TMEM272: variants seen among roughly 807,000 people sequenced by gnomAD.
TMEM272 encodes long intergenic non-protein coding RNA 282.
TMEM272 carries 8 observed loss-of-function variants against 3.7 expected under a neutral mutation model. The observed-to-expected ratio is 2.17, with a 90% confidence interval of 1.27 to 3.91. TMEM272 has a LOEUF of 3.91. TMEM272 is among the 30% of genes most tolerant of loss of function. The pLI is 0.00. For missense variants in TMEM272, 166 were observed against 91.5 expected (o/e 1.81, Z -3.32); for synonymous variants, 63 against 39.8 (o/e 1.58, Z -2.20).
chr13:51,871,785 TACACACACACACAC>T, the TMEM272 span, among the ~76,000 whole-genome samples: 40,891 of 129,618 alleles, frequency 0.32, 6,772 homozygotes, highest in Non-Finnish European at 0.38. Context: ...AATCTCCCCC[TACACACACACACAC>T]ACACACACAC....
At chr13:51,826,463 A>G in intron 3 of TMEM272, 103 bp downstream of exon 3, 1 of 667,288 alleles carries the variant, frequency 1.5e-6, no homozygotes, top group Non-Finnish European at 2.7e-6. Context: ...CGGGCTGGCC[A>G]GTTCTTCTTA....
the TMEM272 span, among the ~76,000 whole-genome samples, chr13:51,863,810 T>C: frequency 9.2e-5 from 14 of 152,174 alleles, no homozygotes; most frequent in East Asian, 1.9e-3. Context: ...GTCTCACGGA[T>C]GATGGGTTGG....
the TMEM272 span, among the ~76,000 whole-genome samples, chr13:51,857,403 A>C: frequency 6.6e-3 from 998 of 152,288 alleles, 10 homozygotes; most frequent in African/African-American, 0.022. Context: ...AAAAAGGTAA[A>C]AATATGGGTA....
the TMEM272 span, among the ~76,000 whole-genome samples, chr13:51,896,318 T>C: frequency 6.6e-6 from 1 of 150,546 alleles, no homozygotes; most frequent in Non-Finnish European, 1.5e-5. Flanking sequence ...TCTAGAGGGG[T>C]GTGTGTGTGT....
the TMEM272 span, among the ~76,000 whole-genome samples, chr13:51,931,767 C>T: frequency 6.6e-6 from 1 of 152,106 alleles, no homozygotes; most frequent in East Asian, 1.9e-4. Context: ...TCCGGAAAAA[C>T]AGTCAAGCAC....
chr13:51,831,107 G>A (rs1490791303), intron 2 of TMEM272, among the ~76,000 whole-genome samples: 1 of 152,152 alleles, frequency 6.6e-6, no homozygotes, highest in Non-Finnish European at 1.5e-5. Context: ...AGTACAAATG[G>A]CGCCTGGAAA....
At chr13:51,894,720 C>T in the TMEM272 span, among the ~76,000 whole-genome samples, 1 of 152,126 alleles carries the variant, frequency 6.6e-6, no homozygotes, top group Non-Finnish European at 1.5e-5. Context: ...GGACCAGTTT[C>T]GTGGAAGACA....
intron 4 of TMEM272, among the ~76,000 whole-genome samples, chr13:51,820,435 A>G (rs1956069119): frequency 6.6e-6 from 1 of 152,192 alleles, no homozygotes; most frequent in East Asian, 1.9e-4. Flanking sequence ...CCTTGCCATC[A>G]TGAGCACAAA....
chr13:51,903,972 T>TGTGTGTGTGTGTGTGTGTG, the TMEM272 span, among the ~76,000 whole-genome samples: 84 of 151,486 alleles, frequency 5.5e-4, no homozygotes, highest in South Asian at 8.4e-4. Context: ...TGTGTGTGTG[T>TGTGTGTGTGTGTGTGTGTG]TTAGAAAGAA....
the TMEM272 span, among the ~76,000 whole-genome samples, chr13:51,882,073 T>C: frequency 6.6e-6 from 1 of 152,238 alleles, no homozygotes; most frequent in East Asian, 1.9e-4. Context: ...TTGTATTTCT[T>C]TGAATGTGAC....
the TMEM272 span, chr13:51,866,281 C>A: frequency 3.7e-6 from 2 of 545,470 alleles, no homozygotes; most frequent in Non-Finnish European, 6.5e-6. Context: ...TGTGATGATC[C>A]AAGGTCATGT....
the TMEM272 span, among the ~76,000 whole-genome samples, chr13:51,887,503 CT>C: frequency 6.6e-6 from 1 of 152,200 alleles, no homozygotes; most frequent in African/African-American, 2.4e-5. Context: ...TGAAGACCAT[CT>C]TTCTATACAC....
the TMEM272 span, among the ~76,000 whole-genome samples, chr13:51,920,409 G>A: frequency 6.6e-6 from 1 of 152,160 alleles, no homozygotes; most frequent in Non-Finnish European, 1.5e-5. Flanking sequence ...GTAGGGCATG[G>A]CCTCTTCACT....
At chr13:51,854,954 T>C in the TMEM272 span, among the ~76,000 whole-genome samples, 1 of 152,168 alleles carries the variant, frequency 6.6e-6, no homozygotes, top group Non-Finnish European at 1.5e-5. Flanking sequence ...GGGCAAAATA[T>C]CGTATTTGGA....
the TMEM272 span, among the ~76,000 whole-genome samples, chr13:51,929,477 C>T: frequency 6.6e-6 from 1 of 152,190 alleles, no homozygotes; most frequent in Non-Finnish European, 1.5e-5. Context: ...ATTAAATTGG[C>T]TCCAGCTGCA....
chr13:51,932,065 G>C, the TMEM272 span, among the ~76,000 whole-genome samples: 168 of 152,254 alleles, frequency 1.1e-3, no homozygotes, highest in Non-Finnish European at 1.8e-3. Context: ...AGTTTGCCTG[G>C]ATAGTCCCGG....
the TMEM272 span, among the ~76,000 whole-genome samples, chr13:51,886,359 C>A: frequency 6.6e-6 from 1 of 152,194 alleles, no homozygotes; most frequent in Non-Finnish European, 1.5e-5. Context: ...ACCTGCCAGG[C>A]AATCTTCTAA....
chr13:51,900,721 C>T, the TMEM272 span, among the ~76,000 whole-genome samples: 1 of 152,150 alleles, frequency 6.6e-6, no homozygotes, highest in Non-Finnish European at 1.5e-5. Context: ...AAGTATCCAT[C>T]AACGAATGAG....
the TMEM272 span, chr13:51,908,083 A>G: frequency 2.5e-6 from 1 of 393,772 alleles, no homozygotes; most frequent in African/African-American, 2.1e-5. Context: ...TTATTTACAA[A>G]ATACTATCCT....
Sources: allele counts gnomAD v4.1 joint callset (sites outside exome capture counted in the v4.1 genomes callset), GRCh38; gene constraint gnomAD v4.1.1; transcripts MANE v1.5; gene names NCBI Gene and HGNC (gene_info 2026-07-23, HGNC 2026-07-21).